ABCC5: variants seen among roughly 807,000 people sequenced by gnomAD.
ABCC5 encodes the protein ATP-binding cassette sub-family C member 5.
Under a neutral mutation model 160.9 loss-of-function variants are expected in ABCC5, and 61 were observed. That is an observed-to-expected ratio of 0.38 (90% CI 0.31 to 0.47). The LOEUF is 0.47. ABCC5 is among the 20% of genes least tolerant of loss of function. The pLI is 0.99. For synonymous variants in ABCC5, 666 were observed against 700.6 expected, an observed-to-expected ratio of 0.95 and a Z score of 0.78; for missense variants, 1,308 against 1,813.3, an observed-to-expected ratio of 0.72 and a Z score of 5.06.
intron 18 of ABCC5, among the ~76,000 whole-genome samples, chr3:183,952,493 AC>A (rs540966068): frequency 1.1e-3 from 166 of 152,066 alleles, no homozygotes; most frequent in African/African-American, 3.9e-3. Context: ...TTGTGTCCCC[AC>A]CCAAAGCTCA....
chr3:183,977,247 G>C (rs1718298090), intron 10 of ABCC5, among the ~76,000 whole-genome samples: 1 of 152,192 alleles, frequency 6.6e-6, no homozygotes, highest in African/African-American at 2.4e-5. Flanking sequence ...CAGGTGGAAG[G>C]GGCTAGCTCT....
intron 15 of ABCC5, 57 bp from the exon 16 acceptor site, chr3:183,961,711 C>T: frequency 6.2e-7 from 1 of 1,601,368 alleles, no homozygotes; most frequent in Non-Finnish European, 8.5e-7. Flanking sequence ...CATTCAAAAA[C>T]CCATACATTA....
At chr3:183,960,960 AT>A (rs1716674142) in intron 16 of ABCC5, among the ~76,000 whole-genome samples, 1 of 151,688 alleles carries the variant, frequency 6.6e-6, no homozygotes, top group African/African-American at 2.4e-5. Context: ...TAATTTTTGT[AT>A]TTTTTTGTAA....
Position 183,939,982 on chromosome 3 carries a change from C to T in ABCC5, c.3695-1922G>A, listed in dbSNP as rs116298389. On this transcript the variant is annotated intron_variant, in intron 25 of 29. Transcript: ENST00000334444. ...TGCCTTGCCCCAGTGTCTACAGCCA[C>T]GACCCCACTGTCGGGATCTACCCCC... 5.1e-3 allele frequency among the ~76,000 whole-genome samples: 773 copies of T among 152,228 alleles called. 12 individuals carry two copies. The highest frequency in any genetic ancestry group is 0.017 in the African/African-American group (707 of 41,532).
intron 5 of ABCC5, chr3:183,985,265 G>C: frequency 6.6e-7 from 1 of 1,517,306 alleles, no homozygotes; most frequent in Non-Finnish European, 9.2e-7. Flanking sequence ...TAGCTGTCTG[G>C]CTGTGGAAAG....
Position 184,014,200 on chromosome 3 carries a change from A to G in ABCC5, c.129+64T>C, listed in dbSNP as rs1308494485. The G allele has an allele frequency of 3.3e-6, 5 of 1,494,334 alleles. No individual in the cohort carries two copies. In the Admixed American group the frequency reaches 7.6e-5, roughly 23 times the overall value. 92.6% of individuals were successfully genotyped at this position (1,494,334 alleles called of 1,614,324 possible). A position where few individuals can be genotyped will look rare whatever the true frequency, so the allele number is the denominator to read the frequency against. Reference sequence around the variant, plus strand: ...AAAATAAGTTTCTAAATTACCCATTATACGAAAAAAGATGTGTTTTAGTAC... The same window carrying G: ...AAAATAAGTTTCTAAATTACCCATTGTACGAAAAAAGATGTGTTTTAGTAC... On this transcript the variant is annotated intron_variant, in intron 2 of 29. Coordinates refer to ENST00000334444, the MANE Select transcript of ABCC5 (RefSeq NM_005688.4).
chr3:183,975,685 G>T (rs1287851218), intron 10 of ABCC5, among the ~76,000 whole-genome samples: 1 of 151,988 alleles, frequency 6.6e-6, no homozygotes, highest in Non-Finnish European at 1.5e-5. Context: ...ATTAAAAAAA[G>T]AATAACAAGG....
At chr3:183,942,549 A>G (rs1454823037) in intron 25 of ABCC5, 178 bp downstream of exon 25, 3 of 786,304 alleles carry the variant, frequency 3.8e-6, no homozygotes, top group East Asian at 2.7e-5. Flanking sequence ...ATGACTGTGA[A>G]AAGCACTCAA....
At position 184,013,036 on chromosome 3, in the gene ABCC5, T is replaced by C. The variant is rs116056709; in HGVS notation, c.129+1228A>G. 9.6e-3 allele frequency among the ~76,000 whole-genome samples: 1,465 copies of C among 152,290 alleles called. 19 individuals carry two copies. The highest frequency in any genetic ancestry group is 0.034 in the Middle Eastern group (10 of 294). ...CTAAACCTAGTCCATTCTGCCTTAT[T>C]AGGTACTTTTGTAAGAAAAGGTATA... is the stretch of plus-strand genomic sequence containing the variant. On this transcript the variant is annotated intron_variant, in intron 2 of 29. Coordinates refer to ENST00000334444, the MANE Select transcript of ABCC5 (RefSeq NM_005688.4).
chr3:183,962,802 G>A (rs1479966767), intron 15 of ABCC5, among the ~76,000 whole-genome samples: 2 of 152,148 alleles, frequency 1.3e-5, no homozygotes, highest in Admixed American at 6.5e-5. Context: ...GATTACAGGC[G>A]TGAGCCACTG....
At chr3:183,979,789 G>A (rs1018192531) in intron 8 of ABCC5, among the ~76,000 whole-genome samples, 1 of 152,084 alleles carries the variant, frequency 6.6e-6, no homozygotes, top group African/African-American at 2.4e-5. Flanking sequence ...ACGTTGTCCA[G>A]GCTGGTCTTG....
At chr3:183,984,186 T>A in intron 5 of ABCC5, 1 of 985,520 alleles carries the variant, frequency 1.0e-6, no homozygotes, top group East Asian at 1.1e-4. Flanking sequence ...AGGAATTACC[T>A]CTGCTCGGGA....
intron 10 of ABCC5, among the ~76,000 whole-genome samples, chr3:183,975,154 C>T (rs1414571258): frequency 6.6e-6 from 1 of 152,074 alleles, no homozygotes; most frequent in Non-Finnish European, 1.5e-5. Context: ...AAAAGGCTGC[C>T]TTAGATGGTC....
intron 26 of ABCC5, 91 bp from the exon 27 acceptor site, chr3:183,928,916 T>A: frequency 9.5e-7 from 1 of 1,049,104 alleles, no homozygotes; most frequent in South Asian, 1.3e-5. Flanking sequence ...CACACATGCA[T>A]AGGGAGAGAA....
intron 2 of ABCC5, among the ~76,000 whole-genome samples, chr3:184,005,287 A>G (rs4148567): frequency 0.62 from 94,412 of 151,998 alleles, 30,119 homozygotes; most frequent in East Asian, 0.85. Context: ...CTTGCTTTCT[A>G]CCTCCATGAG....
At chr3:183,927,821 T>C (rs555581144) in intron 27 of ABCC5, 192 of 985,440 alleles carry the variant, frequency 1.9e-4, no homozygotes, top group Admixed American at 3.1e-4. Context: ...GGCCCGTGCC[T>C]GTGAAACATT....
intron 2 of ABCC5, among the ~76,000 whole-genome samples, chr3:184,013,881 A>AT (rs1015691833): frequency 1.7e-4 from 25 of 151,074 alleles, no homozygotes; most frequent in East Asian, 5.9e-4. Context: ...AGAAAAACAC[A>AT]TTTTTTTTTG....
At position 183,965,484 on chromosome 3, in the gene ABCC5, G is replaced by A; in HGVS notation, c.1851C>T (p.Gly617=). 6.2e-7 allele frequency: 1 copy of A among 1,613,692 alleles called. No individual in the cohort carries two copies. Among genetic ancestry groups the A allele is most frequent in the Non-Finnish European group, 8.5e-7 (1 of 1,180,014 alleles). The change falls in exon 13 of 30, where the codon GGC becomes GGT. Residue 617 remains glycine (G), a synonymous_variant. Coordinates refer to ENST00000334444, the MANE Select transcript of ABCC5 (RefSeq NM_005688.4). ...CGAAGGTTCCACTGATTGCAATGCT[G>A]CCCTCTAGAAGCGTCATCTAGGGAG... ...AILGQMTLLE[G]SIAISGTFAY...
intron 11 of ABCC5, among the ~76,000 whole-genome samples, chr3:183,969,860 C>G (rs1386589174): frequency 1.3e-5 from 2 of 152,126 alleles, no homozygotes; most frequent in Non-Finnish European, 2.9e-5. Flanking sequence ...TCTGGATTGG[C>G]TTACCATGCC....
Sources: allele counts gnomAD v4.1 joint callset (sites outside exome capture counted in the v4.1 genomes callset), GRCh38; gene constraint gnomAD v4.1.1; transcripts MANE v1.5; gene names NCBI Gene and HGNC (gene_info 2026-07-23, HGNC 2026-07-21).